MAST3: variants seen among roughly 807,000 people sequenced by gnomAD.
MAST3 encodes the protein microtubule associated serine/threonine kinase 3, also known as microtubule-associated serine/threonine-protein kinase 3.
A neutral mutation model predicts 127.0 loss-of-function variants in MAST3; 43 were observed. The observed-to-expected ratio is 0.34, with a 90% CI of 0.27 to 0.44. The LOEUF (loss-of-function observed/expected upper bound fraction) is 0.44. Among genes scored for constraint, MAST3 ranks in the 20% least tolerant of loss-of-function variants. The pLI is 1.00. For synonymous variants in MAST3, 785 were observed against 809.2 expected (o/e 0.97, Z 0.51); for missense variants, 1,390 against 1,919.1 (o/e 0.72, Z 5.15).
chr19:18,130,938 G>C (rs2041209779), intron 14 of MAST3, among the ~76,000 whole-genome samples: 1 of 152,202 alleles, frequency 6.6e-6, no homozygotes, highest in Non-Finnish European at 1.5e-5. Flanking sequence ...GAGGAGGGTG[G>C]CCATCCTAGG....
At chr19:18,125,957 G>A (rs2040564807) in intron 11 of MAST3, among the ~76,000 whole-genome samples, 1 of 152,064 alleles carries the variant, frequency 6.6e-6, no homozygotes, top group Non-Finnish European at 1.5e-5. Flanking sequence ...TACTTGGGAG[G>A]CTGAGGCAGG....
At chr19:18,132,486 C>T (rs1001314320) in intron 15 of MAST3, among the ~76,000 whole-genome samples, 6 of 152,162 alleles carry the variant, frequency 3.9e-5, no homozygotes, top group Non-Finnish European at 8.8e-5. Context: ...CATGTAAAGA[C>T]AGTGACCGTG....
chr19:18,104,311 G>C (rs1006461611), intron 1 of MAST3, among the ~76,000 whole-genome samples: 1 of 149,292 alleles, frequency 6.7e-6, no homozygotes, highest in Non-Finnish European at 1.5e-5. Flanking sequence ...TGAACTAAAC[G>C]CCGTGAGTTG....
intron 21 of MAST3, among the ~76,000 whole-genome samples, chr19:18,142,979 G>C (rs534865009): frequency 6.6e-6 from 1 of 151,636 alleles, no homozygotes; most frequent in African/African-American, 2.4e-5. Context: ...GGGCATAGTG[G>C]TGCACGCCTG....
intron 18 of MAST3, among the ~76,000 whole-genome samples, chr19:18,136,720 C>T (rs1051744062): frequency 6.6e-6 from 1 of 152,194 alleles, no homozygotes; most frequent in Non-Finnish European, 1.5e-5. Context: ...AGCCACCATG[C>T]CTGGCTGCTG....
intron 14 of MAST3, among the ~76,000 whole-genome samples, chr19:18,131,684 C>T (rs2041305025): frequency 6.6e-6 from 1 of 151,470 alleles, no homozygotes; most frequent in Non-Finnish European, 1.5e-5. Flanking sequence ...GGCGACAGAG[C>T]GAGACTCTCT....
intron 6 of MAST3, 71 bp from the exon 7 acceptor site, chr19:18,123,146 G>A: frequency 3.9e-6 from 6 of 1,537,866 alleles, no homozygotes; most frequent in Non-Finnish European, 4.5e-6. Context: ...GGCCTTGAGG[G>A]GTGGTGCTGG....
intron 21 of MAST3, among the ~76,000 whole-genome samples, chr19:18,142,251 G>A (rs2042570670): frequency 6.6e-6 from 1 of 151,786 alleles, no homozygotes; most frequent in South Asian, 2.1e-4. Context: ...CTTCTGTCCA[G>A]AATGCCCTTT....
At chr19:18,120,671 G>A (rs532403771) in intron 3 of MAST3, among the ~76,000 whole-genome samples, 1 of 152,088 alleles carries the variant, frequency 6.6e-6, no homozygotes, top group Non-Finnish European at 1.5e-5. Context: ...GAGTAGCTGG[G>A]ATTATAAGCA....
chr19:18,116,027 A>G (rs2039181510), intron 3 of MAST3, among the ~76,000 whole-genome samples: 1 of 151,912 alleles, frequency 6.6e-6, no homozygotes, highest in East Asian at 1.9e-4. Context: ...CTCCTGGCTA[A>G]AGTCGCCCCT....
chr19:18,130,586 AG>A lies in MAST3; in HGVS notation c.1317del (p.Gln439HisfsTer47). ...KQNLILRNQIQQVFVERDILT... is the reference protein window; with the variant it reads ...KQNLILRNQIXQVFVERDILT... The stretch of plus-strand genomic sequence containing the variant: ...AACTTGATCCTGCGTAACCAGATCC[AG>A]CAGGTCTTTGTGGAGCGTGACATTC... On this transcript the variant is annotated frameshift_variant, in exon 14 of 28. Coordinates refer to ENST00000687212, the MANE Select transcript of MAST3 (RefSeq NM_001393504.1). LOFTEE classifies it high-confidence loss of function. The A allele has an allele frequency of 6.2e-7, 1 of 1,613,686 alleles. No individual in the cohort carries two copies. The highest frequency in any genetic ancestry group is 8.5e-7 in the Non-Finnish European group (1 of 1,179,788).
intron 13 of MAST3, among the ~76,000 whole-genome samples, chr19:18,129,927 A>AG (rs2041070604): frequency 6.7e-6 from 1 of 149,692 alleles, no homozygotes; most frequent in African/African-American, 2.5e-5. Context: ...CATCTCAAAA[A>AG]AAAAAAAAAA....
chr19:18,143,335 G>A (rs1283690028), intron 21 of MAST3, among the ~76,000 whole-genome samples: 1 of 152,136 alleles, frequency 6.6e-6, no homozygotes, highest in African/African-American at 2.4e-5. Context: ...CAGCACTTTG[G>A]GACCCCAAGG....
chr19:18,113,941 A>T (rs886213966), intron 3 of MAST3, among the ~76,000 whole-genome samples: 3 of 152,194 alleles, frequency 2.0e-5, no homozygotes, highest in African/African-American at 7.2e-5. Flanking sequence ...CCCGTCGCTC[A>T]CTTGGCTCCA....
At chr19:18,109,745 A>T (rs1306042857) in intron 2 of MAST3, among the ~76,000 whole-genome samples, 1 of 152,100 alleles carries the variant, frequency 6.6e-6, no homozygotes, top group Non-Finnish European at 1.5e-5. Context: ...GAAGCCAGGG[A>T]CTGGAGGTGT....
Position 18,124,626 on chromosome 19 carries a change from C to T in MAST3, c.946-16C>T, listed in dbSNP as rs1039214001. 1.4e-5 allele frequency: 21 copies of T among 1,553,470 alleles called. No homozygotes were observed. The highest frequency in any genetic ancestry group is 1.8e-5 in the Non-Finnish European group (21 of 1,151,380). ...TGGAACCAAGCCCTGGGTGACCAGC[C>T]CTCCTGTGCCCCTAGGAGTTTGACC... On this transcript the variant is annotated splice_polypyrimidine_tract_variant and intron_variant, in intron 10 of 27. Coordinates refer to ENST00000687212, the MANE Select transcript of MAST3 (RefSeq NM_001393504.1).
At position 18,136,030 on chromosome 19, in the gene MAST3, T is replaced by C. The variant is rs75866106; in HGVS notation, c.1972+189T>C. Among the ~76,000 whole-genome samples the C allele has an allele frequency of 8.5e-3, 1,294 of 152,192 alleles. 18 individuals carry two copies. Among genetic ancestry groups the C allele is most frequent in the African/African-American group, 0.03 (1,225 of 41,522 alleles). On this transcript the variant is annotated intron_variant, in intron 18 of 27. Coordinates refer to ENST00000687212, the MANE Select transcript of MAST3 (RefSeq NM_001393504.1). ...AACTATCACAAGACCTTGGAAAGAA[T>C]AGAAAGTAGCTGGGTCTGGTGCCCA... is the stretch of plus-strand genomic sequence containing the variant.
rs1170381558 is a variant in MAST3, at chr19:18,128,921, C to A, written c.1193C>A (p.Thr398Asn). The A allele has an allele frequency of 6.2e-7, 1 of 1,613,840 alleles. No homozygotes were observed. ...RRKPCESDFE[T>N]IKLISNGAYG... ...AAGCCATGCGAAAGCGACTTTGAGA[C>A]CATCAAACTCATTAGCAACGGAGCC... is the stretch of plus-strand genomic sequence containing the variant. Residue 398 changes from threonine to asparagine, a missense_variant, in exon 13 of 28, where the codon ACC becomes AAC. Physicochemically the swap from Thr to Asn is moderately conservative, Grantham distance 65 (BLOSUM62 0). Transcript: ENST00000687212.
intron 5 of MAST3, among the ~76,000 whole-genome samples, chr19:18,122,323 G>C (rs529596366): frequency 2.0e-4 from 31 of 152,220 alleles, no homozygotes; most frequent in Non-Finnish European, 1.5e-5. Context: ...TATGCTCTGT[G>C]CTGCGGGCTG....
Sources: gnomAD v4.1 joint callset for allele counts (sites outside exome capture counted in the v4.1 genomes callset) on GRCh38, gnomAD v4.1.1 for gene constraint, MANE v1.5 for transcripts, NCBI Gene and HGNC (gene_info 2026-07-23, HGNC 2026-07-21) for gene names.